CTNNA3: variants seen among roughly 807,000 people sequenced by gnomAD.
CTNNA3 encodes the protein catenin alpha-3.
Under a neutral mutation model 95.7 loss-of-function variants are expected in CTNNA3, and 76 were observed. That is an observed-to-expected ratio of 0.79 (90% confidence interval 0.66 to 0.96). The LOEUF is 0.96. CTNNA3 is among the 40% of genes least tolerant of loss of function. The probability of loss-of-function intolerance (pLI) is 0.00; values close to 1 mark genes in which losing one functional copy is unlikely to be tolerated. For missense variants in CTNNA3, 1,191 were observed against 1,089.8 expected (o/e 1.09, Z -1.31); for synonymous variants, 431 against 374.4 (o/e 1.15, Z -1.74).
intron 9 of CTNNA3, among the ~76,000 whole-genome samples, chr10:66,739,644 T>C (rs936159076): frequency 1.3e-5 from 2 of 152,182 alleles, no homozygotes; most frequent in African/African-American, 4.8e-5. Flanking sequence ...GGAAATGAAA[T>C]GTGTTTCATT....
At chr10:67,482,803 G>A (rs1406015090) in intron 5 of CTNNA3, among the ~76,000 whole-genome samples, 1 of 152,150 alleles carries the variant, frequency 6.6e-6, no homozygotes, top group Non-Finnish European at 1.5e-5. Context: ...GAAGTGGTGA[G>A]AGAGGGCATC....
intron 1 of CTNNA3, among the ~76,000 whole-genome samples, chr10:67,674,084 G>A (rs963318617): frequency 2.2e-4 from 33 of 151,844 alleles, no homozygotes; most frequent in African/African-American, 8.0e-4. Context: ...GGGCTAAATT[G>A]TATCTCCTCA....
chr10:66,585,237 A>G (rs1843320969), intron 10 of CTNNA3, among the ~76,000 whole-genome samples: 1 of 152,072 alleles, frequency 6.6e-6, no homozygotes, highest in African/African-American at 2.4e-5. Flanking sequence ...GTCACTAGCA[A>G]GTCCAGGGAA....
At chr10:67,412,535 C>G (rs1240050474) in intron 5 of CTNNA3, among the ~76,000 whole-genome samples, 2 of 151,926 alleles carry the variant, frequency 1.3e-5, no homozygotes, top group Admixed American at 1.3e-4. Context: ...CAAGATGACC[C>G]TACCCGAGGC....
intron 1 of CTNNA3, among the ~76,000 whole-genome samples, chr10:67,725,987 T>G (rs1168534434): frequency 1.4e-5 from 2 of 138,498 alleles, no homozygotes; most frequent in Non-Finnish European, 3.0e-5. Context: ...TACTATATAC[T>G]ATATATTATA....
At chr10:66,776,649 T>C (rs1308364002) in intron 7 of CTNNA3, among the ~76,000 whole-genome samples, 3 of 152,190 alleles carry the variant, frequency 2.0e-5, no homozygotes, top group Admixed American at 6.5e-5. Context: ...CCCCAGTTCT[T>C]ACATGTAATG....
chr10:67,520,271 A>G (rs1839943510), intron 5 of CTNNA3, among the ~76,000 whole-genome samples: 1 of 152,110 alleles, frequency 6.6e-6, no homozygotes, highest in Admixed American at 6.6e-5. Context: ...CATATAATTT[A>G]CCCATCTATC....
At position 67,617,096 on chromosome 10, in the gene CTNNA3, A is replaced by G. The variant is rs566200712; in HGVS notation, c.100-10047T>C. Among the ~76,000 whole-genome samples, 19 of 152,320 alleles carry G rather than the reference A, an allele frequency of 1.2e-4. No individual in the cohort carries two copies. The East Asian group carries it at 3.5e-3, about 28-fold the overall frequency. On this transcript the variant is annotated intron_variant, in intron 2 of 17. Coordinates refer to ENST00000433211, the MANE Select transcript of CTNNA3 (RefSeq NM_013266.4). The stretch of plus-strand genomic sequence containing the variant: ...GAGGAAATGCCTGGTTTTTGAAACT[A>G]AATTTAATAGTTGTTTTTTAACTTT...
chr10:67,554,069 T>G (rs1841137175), intron 3 of CTNNA3, among the ~76,000 whole-genome samples: 1 of 152,172 alleles, frequency 6.6e-6, no homozygotes, highest in Admixed American at 6.5e-5. Flanking sequence ...TTCATCCATG[T>G]CCCTACAAAG....
chr10:67,479,701 C>A (rs1213274888), intron 5 of CTNNA3, among the ~76,000 whole-genome samples: 1 of 151,916 alleles, frequency 6.6e-6, no homozygotes, highest in East Asian at 1.9e-4. Flanking sequence ...AACAAACTAA[C>A]CCCAAAGCTA....
At chr10:66,745,873 A>G (rs572236015) in intron 9 of CTNNA3, among the ~76,000 whole-genome samples, 1 of 151,806 alleles carries the variant, frequency 6.6e-6, no homozygotes, top group South Asian at 2.1e-4. Flanking sequence ...TGCTGGGATT[A>G]CAGGCGTGAG....
chr10:67,174,193 G>A (rs940541589), intron 7 of CTNNA3, among the ~76,000 whole-genome samples: 2 of 152,116 alleles, frequency 1.3e-5, no homozygotes, highest in Non-Finnish European at 2.9e-5. Flanking sequence ...AAAAATGGCT[G>A]CCTACTTTTT....
chr10:66,669,484 G>C (rs1242442034), intron 9 of CTNNA3, among the ~76,000 whole-genome samples: 1 of 151,686 alleles, frequency 6.6e-6, no homozygotes, highest in Admixed American at 6.6e-5. Context: ...AGAGGTTGCA[G>C]TGAGCCGAGA....
In CTNNA3 at chr10:67,741,137, C is replaced by T. The variant is rs146261526; in HGVS notation, c.-2+22297G>A. ...AAACACATGGACACAGGAGGGGGAACATCACACTCTGGGGACTGTTGTGGC... is the reference window on the plus strand; with the variant it reads ...AAACACATGGACACAGGAGGGGGAATATCACACTCTGGGGACTGTTGTGGC... On this transcript the variant is annotated intron_variant, in intron 1 of 17. Coordinates refer to the CTNNA3 transcript ENST00000684154. Among the ~76,000 whole-genome samples, 378 of 150,706 alleles carry T rather than the reference C, an allele frequency of 2.5e-3. 8 individuals carry two copies. The highest frequency in any genetic ancestry group is 8.7e-3 in the African/African-American group (357 of 41,238).
At chr10:66,157,413 GTA>G (rs2084572527) in intron 13 of CTNNA3, among the ~76,000 whole-genome samples, 1 of 97,026 alleles carries the variant, frequency 1.0e-5, no homozygotes, top group Non-Finnish European at 2.3e-5. Flanking sequence ...TCATAGATAG[GTA>G]GGTAGGTAGG....
At chr10:67,005,829 G>A (rs964020022) in intron 7 of CTNNA3, among the ~76,000 whole-genome samples, 1 of 151,248 alleles carries the variant, frequency 6.6e-6, no homozygotes, top group Non-Finnish European at 1.5e-5. Flanking sequence ...GGGATTACAG[G>A]TGCATGCCAC....
At chr10:66,679,316 C>G (rs2132495950) in intron 9 of CTNNA3, among the ~76,000 whole-genome samples, 1 of 152,170 alleles carries the variant, frequency 6.6e-6, no homozygotes, top group South Asian at 2.1e-4. Flanking sequence ...ATACTAGCTT[C>G]AGCAATTGGG....
chr10:67,274,807 G>A (rs550790355), intron 5 of CTNNA3, among the ~76,000 whole-genome samples: 1 of 152,116 alleles, frequency 6.6e-6, no homozygotes, highest in South Asian at 2.1e-4. Context: ...CAGGCTGAGG[G>A]ACAGAGATAG....
Position 66,621,780 on chromosome 10 carries a change from G to T in CTNNA3, c.1286C>A (p.Ala429Glu), listed in dbSNP as rs749128405. 6.2e-7 allele frequency: 1 copy of T among 1,601,400 alleles called. No homozygotes were observed. The highest frequency in any genetic ancestry group is 1.1e-5 in the South Asian group (1 of 88,810). ...TGTTGACATGGAACAAGCAAGATTT[G>T]CCACCTTAAATACAATCCAAAATAA... ...HEHTSRLVEV[A>E]NLACSMSTNE... The change falls in exon 10 of 18, where the codon GCA becomes GAA. Residue 429 changes from alanine to glutamate, a missense_variant. Physicochemically the swap from Ala to Glu is moderately radical, Grantham distance 107 (BLOSUM62 -1). Transcript: ENST00000433211.
Sources: allele counts gnomAD v4.1 joint callset (sites outside exome capture counted in the v4.1 genomes callset), GRCh38; gene constraint gnomAD v4.1.1; transcripts MANE v1.5; gene names NCBI Gene and HGNC (gene_info 2026-07-23, HGNC 2026-07-21).